The following ESCO1 variants were observed in gnomAD, a reference collection of about 807,000 sequenced individuals.
ESCO1 encodes the protein establishment of sister chromatid cohesion N-acetyltransferase 1, also known as N-acetyltransferase ESCO1.
Under a neutral mutation model 83.5 loss-of-function variants are expected in ESCO1, and 33 were observed. The ratio of observed to expected loss-of-function variants is 0.40; its 90% CI spans 0.30 to 0.53. The LOEUF is 0.53. ESCO1 is among the 20% of genes least tolerant of loss of function. The pLI, the probability that ESCO1 is intolerant of heterozygous loss-of-function variation, is 0.63. For missense variants in ESCO1, 855 were observed against 968.0 expected (o/e 0.88, Z 1.55); for synonymous variants, 332 against 324.3 (o/e 1.02, Z -0.25).
chr18:21,542,010 C>G (rs534636966), intron 8 of ESCO1, among the ~76,000 whole-genome samples: 1 of 152,230 alleles, frequency 6.6e-6, no homozygotes, highest in East Asian at 1.9e-4. Flanking sequence ...CAACTTCAGA[C>G]TTGTATGTTC....
chr18:21,560,764 A>C lies in ESCO1; in HGVS notation c.1953+95T>G. Reference sequence around the variant, plus strand: ...CATATTATTATCTCTTAAAAACATAAATTTTTCAGTGATTTAAATTTGGCA... The same window carrying C: ...CATATTATTATCTCTTAAAAACATACATTTTTCAGTGATTTAAATTTGGCA... On this transcript the variant is annotated intron_variant, in intron 8 of 11. Coordinates refer to ENST00000269214, the MANE Select transcript of ESCO1 (RefSeq NM_052911.3). 4 of 1,465,106 alleles carry C rather than the reference A, an allele frequency of 2.7e-6. No individual in the cohort carries two copies. In the East Asian group the frequency reaches 9.3e-5, roughly 34 times the overall value. The allele number at this position is 1,465,106 out of a possible 1,614,324, so 90.8% of individuals were successfully genotyped here.
chr18:21,550,853 C>T (rs183488172), intron 8 of ESCO1, among the ~76,000 whole-genome samples: 1 of 152,304 alleles, frequency 6.6e-6, no homozygotes, highest in Non-Finnish European at 1.5e-5. Flanking sequence ...TGGCTCACGC[C>T]TGTAATCCCA....
intron 2 of ESCO1, among the ~76,000 whole-genome samples, chr18:21,580,364 A>G (rs1598474940): frequency 6.6e-6 from 1 of 152,168 alleles, no homozygotes; most frequent in Non-Finnish European, 1.5e-5. Flanking sequence ...ATTACAACAA[A>G]CCTTCCATAG....
chr18:21,591,877 G>A (rs1487118124), intron 1 of ESCO1, among the ~76,000 whole-genome samples: 4 of 151,078 alleles, frequency 2.6e-5, no homozygotes, highest in Admixed American at 6.6e-5. Flanking sequence ...GACTCTTAAC[G>A]AGCATGCTGC....
chr18:21,536,577 T>C (rs1379603688), intron 9 of ESCO1, among the ~76,000 whole-genome samples: 3 of 134,348 alleles, frequency 2.2e-5, no homozygotes, highest in African/African-American at 8.3e-5. Flanking sequence ...GGTGACAGAG[T>C]GAGACTCCAT....
chr18:21,599,830 G>T (rs573022061), intron 1 of ESCO1, among the ~76,000 whole-genome samples: 1 of 152,244 alleles, frequency 6.6e-6, no homozygotes, highest in Admixed American at 6.6e-5. Context: ...CGAATTGTTG[G>T]ACTTGCTATC....
chr18:21,535,633 C>T (rs376211363), intron 10 of ESCO1, among the ~76,000 whole-genome samples: 3 of 152,118 alleles, frequency 2.0e-5, no homozygotes, highest in South Asian at 2.1e-4. Flanking sequence ...CCTCCCACTT[C>T]GGCCTCCCAA....
chr18:21,561,347 T>C (rs1199654796), intron 7 of ESCO1, among the ~76,000 whole-genome samples: 2 of 152,106 alleles, frequency 1.3e-5, no homozygotes, highest in Non-Finnish European at 2.9e-5. Context: ...GAGGAAAAAG[T>C]TTTTTTGATA....
intron 1 of ESCO1, among the ~76,000 whole-genome samples, chr18:21,597,911 T>C (rs888051678): frequency 1.3e-5 from 2 of 152,194 alleles, no homozygotes; most frequent in African/African-American, 4.8e-5. Context: ...GTTAACAGAA[T>C]GCTCTTATTT....
intron 2 of ESCO1, among the ~76,000 whole-genome samples, chr18:21,578,242 A>G (rs986138100): frequency 6.6e-6 from 1 of 152,206 alleles, no homozygotes; most frequent in Non-Finnish European, 1.5e-5. Flanking sequence ...AACTAAAAAT[A>G]AGCTAATTTG....
chr18:21,568,534 A>G (rs959129795), intron 4 of ESCO1, among the ~76,000 whole-genome samples: 2 of 152,236 alleles, frequency 1.3e-5, no homozygotes, highest in African/African-American at 2.4e-5. Context: ...TCACTCCCAC[A>G]TCTAACTAGT....
At chr18:21,580,694 A>G (rs927063050) in intron 2 of ESCO1, among the ~76,000 whole-genome samples, 2 of 152,242 alleles carry the variant, frequency 1.3e-5, no homozygotes, top group Non-Finnish European at 2.9e-5. Flanking sequence ...AATTTTTTAA[A>G]AAGAATTACT....
chr18:21,571,256 T>C, intron 4 of ESCO1, among the ~76,000 whole-genome samples: 1 of 152,044 alleles, frequency 6.6e-6, no homozygotes, highest in Non-Finnish European at 1.5e-5. Context: ...GGCGTGATCT[T>C]GGCTCACTGC....
intron 8 of ESCO1, among the ~76,000 whole-genome samples, chr18:21,549,399 T>C (rs1310144130): frequency 6.6e-6 from 1 of 151,812 alleles, no homozygotes; most frequent in Non-Finnish European, 1.5e-5. Context: ...CACCCTGACA[T>C]GACACACCTC....
chr18:21,566,854 T>C (rs1034429730), intron 5 of ESCO1, among the ~76,000 whole-genome samples: 3 of 147,090 alleles, frequency 2.0e-5, no homozygotes, highest in Non-Finnish European at 4.5e-5. Flanking sequence ...AGCAAGGCTC[T>C]GCCTCAAAAA....
At chr18:21,546,721 A>AT (rs1213463272) in intron 8 of ESCO1, among the ~76,000 whole-genome samples, 2 of 151,866 alleles carry the variant, frequency 1.3e-5, no homozygotes, top group Non-Finnish European at 2.9e-5. Context: ...TGATTTTTCT[A>AT]TTTTTTGTAG....
At chr18:21,561,349 T>C (rs1357022364) in intron 7 of ESCO1, among the ~76,000 whole-genome samples, 1 of 152,172 alleles carries the variant, frequency 6.6e-6, no homozygotes, top group Non-Finnish European at 1.5e-5. Flanking sequence ...GGAAAAAGTT[T>C]TTTTGATACA....
At chr18:21,543,633 C>A (rs2037934832) in intron 8 of ESCO1, among the ~76,000 whole-genome samples, 2 of 151,210 alleles carry the variant, frequency 1.3e-5, no homozygotes, top group South Asian at 4.2e-4. Context: ...ATAAATAATA[C>A]CCCGACTTTA....
intron 8 of ESCO1, among the ~76,000 whole-genome samples, chr18:21,549,011 T>A (rs1183640165): frequency 6.6e-6 from 1 of 152,072 alleles, no homozygotes; most frequent in African/African-American, 2.4e-5. Context: ...TTTTCTGAAG[T>A]ATCAATGTGT....
Sources: allele counts gnomAD v4.1 joint callset (sites outside exome capture counted in the v4.1 genomes callset), GRCh38; gene constraint gnomAD v4.1.1; transcripts MANE v1.5; gene names NCBI Gene and HGNC (gene_info 2026-07-23, HGNC 2026-07-21).